Variants in PIK3CG observed in about 807,000 individuals in gnomAD.
PIK3CG encodes the protein phosphatidylinositol-4,5-bisphosphate 3-kinase catalytic subunit gamma, also known as phosphatidylinositol 4,5-bisphosphate 3-kinase catalytic subunit gamma isoform.
In PIK3CG, 55 loss-of-function variants were observed where a neutral mutation model predicts 102.3. The ratio of observed to expected loss-of-function variants is 0.54; its 90% CI spans 0.43 to 0.67. PIK3CG has a LOEUF of 0.67. Among genes scored for constraint, PIK3CG ranks in the 30% least tolerant of loss-of-function variants. The pLI is 0.00. For missense variants in PIK3CG, 1,258 were observed against 1,391.8 expected, an observed-to-expected ratio of 0.90 and a Z score of 1.53; for synonymous variants, 552 against 540.0, an observed-to-expected ratio of 1.02 and a Z score of -0.31.
rs769433254 is a variant in PIK3CG, at chr7:106,882,166, G to A, written c.2588G>A (p.Cys863Tyr). 5 of 1,579,244 alleles carry A rather than the reference G, an allele frequency of 3.2e-6. No homozygotes were observed. In the South Asian group the frequency reaches 4.7e-5, roughly 15 times the overall value. Residue 863 changes from cysteine (C) to tyrosine (Y), a missense_variant, in exon 7 of 11, where the codon TGC becomes TAC. This residue lies in a region of PIK3CG where 426 missense variants were observed against 604.2 expected (regional missense o/e 0.71). Transcript: ENST00000496166. ...SIWETESLDL[C>Y]LLPYGCISTG... ...TGGGAGACTGAATCTTTGGATCTAT[G>A]CCTCCTGCCATATGGTTGCATTTCA... is the stretch of plus-strand genomic sequence containing the variant.
At position 106,868,873 on chromosome 7, in the gene PIK3CG, G is replaced by T. The variant is rs772698550; in HGVS notation, c.1312G>T (p.Ala438Ser). 2 of 1,614,206 alleles carry T rather than the reference G, an allele frequency of 1.2e-6. No individual in the cohort carries two copies. Among genetic ancestry groups the T allele is most frequent in the Non-Finnish European group, 1.7e-6 (2 of 1,180,030 alleles). The change falls in exon 2 of 11, where the codon GCT becomes TCT. Residue 438 changes from alanine (A) to serine (S), a missense_variant. Physicochemically the swap from Ala to Ser is moderately conservative, Grantham distance 99. Coordinates refer to ENST00000496166, the MANE Select transcript of PIK3CG (RefSeq NM_001282426.2). The surrounding 1 kb of genome is among the most constrained non-coding windows in gnomAD (Gnocchi z 6.2). The part of the protein sequence containing the change: ...LLNLQIYCGK[A>S]PALSSKASAE... Reference sequence around the variant, plus strand: ...GAACCTCCAGATCTACTGCGGTAAAGCTCCAGCACTGTCCAGCAAGGCCTC... The same window carrying T: ...GAACCTCCAGATCTACTGCGGTAAATCTCCAGCACTGTCCAGCAAGGCCTC...
Position 106,892,743 on chromosome 7 carries a change from C to T in PIK3CG, c.3030+6451C>T, listed in dbSNP as rs184810286. 2.6e-4 allele frequency among the ~76,000 whole-genome samples: 40 copies of T among 152,212 alleles called. No individual in the cohort carries two copies. The highest frequency in any genetic ancestry group is 4.6e-4 in the Non-Finnish European group (31 of 68,010). Reference sequence around the variant, plus strand: ...TTGCAGAGGGAGCAATTAATCCTGCCCTAGAGGATAGAAAAGGGCTATTCA... The same window carrying T: ...TTGCAGAGGGAGCAATTAATCCTGCTCTAGAGGATAGAAAAGGGCTATTCA... On this transcript the variant is annotated intron_variant, in intron 10 of 10. Coordinates refer to ENST00000496166, the MANE Select transcript of PIK3CG (RefSeq NM_001282426.2). This position sits in a 1 kb window ranked among gnomAD's most constrained non-coding sequence, Gnocchi z 5.2.
At position 106,896,575 on chromosome 7, in the gene PIK3CG, C is replaced by T. The variant is rs534521352; in HGVS notation, c.3031-8534C>T. Among the ~76,000 whole-genome samples, 19 of 152,174 alleles carry T rather than the reference C, an allele frequency of 1.2e-4. No homozygotes were observed. The East Asian group carries it at 1.9e-3, about 15-fold the overall frequency. ...CGGATGAGCAAAAGAAAATAATTTCCGGACATAAGTGGAGTCATTAAGAAT... is the reference window on the plus strand; with the variant it reads ...CGGATGAGCAAAAGAAAATAATTTCTGGACATAAGTGGAGTCATTAAGAAT... On this transcript the variant is annotated intron_variant, in intron 10 of 10. Transcript: ENST00000496166.
Position 106,890,355 on chromosome 7 carries a change from A to G in PIK3CG, c.3030+4063A>G, listed in dbSNP as rs746471580. Among the ~76,000 whole-genome samples, 1 of 151,930 alleles carries G rather than the reference A, an allele frequency of 6.6e-6. No homozygotes were observed. Among genetic ancestry groups the G allele is most frequent in the Non-Finnish European group, 1.5e-5 (1 of 67,954 alleles). ...TGCCACCACATCCAGCTAATTTTTC[A>G]TATTTTTAGTAGAGACGGGGTTTCA... On this transcript the variant is annotated intron_variant, in intron 10 of 10. Transcript: ENST00000496166. This position sits in a 1 kb window ranked among gnomAD's most constrained non-coding sequence, Gnocchi z 4.2.
Position 106,872,744 on chromosome 7 carries a change from T to C in PIK3CG, c.2093T>C (p.Phe698Ser), listed in dbSNP as rs1790578222. 1 of 1,614,078 alleles carries C rather than the reference T, an allele frequency of 6.2e-7. No individual in the cohort carries two copies. Among genetic ancestry groups the C allele is most frequent in the Admixed American group, 1.7e-5 (1 of 60,004 alleles). ...AGAATTGGTCACTTTTTGTTTTGGT[T>C]CTTGAGAAGTGAGATAGCCCAGTCC... ...NKRIGHFLFW[F>S]LRSEIAQSRH... The change falls in exon 4 of 11, where the codon TTC becomes TCC. Residue 698 changes from phenylalanine to serine, a missense_variant. Physicochemically the swap from Phe to Ser is radical, Grantham distance 155. Coordinates refer to ENST00000496166, the MANE Select transcript of PIK3CG (RefSeq NM_001282426.2). The surrounding 1 kb of genome is among the most constrained non-coding windows in gnomAD (Gnocchi z 5.3).
chr7:106,887,439 C>T lies in PIK3CG; in HGVS notation c.3030+1147C>T, dbSNP rs188885206. On this transcript the variant is annotated intron_variant, in intron 10 of 10. Transcript: ENST00000496166. ...TGAGTCCAAGGTTACCCTTGGGAGACGACATGACCCTTGAAGTTCAGTAGA... is the reference window on the plus strand; with the variant it reads ...TGAGTCCAAGGTTACCCTTGGGAGATGACATGACCCTTGAAGTTCAGTAGA... Among the ~76,000 whole-genome samples, 26 of 152,204 alleles carry T rather than the reference C, an allele frequency of 1.7e-4. No individual in the cohort carries two copies. The East Asian group carries it at 3.3e-3, about 19-fold the overall frequency.
In PIK3CG at chr7:106,906,608, A is replaced by G. The variant is rs879698874; in HGVS notation, c.*1221A>G. On this transcript the variant is annotated 3_prime_UTR_variant, in exon 11 of 11. Coordinates refer to ENST00000496166, the MANE Select transcript of PIK3CG (RefSeq NM_001282426.2). ...AATATCTTACTTTAAAAATATTTTC[A>G]TCTCTGAAATATCTCGTTATTTATT... 1 of 230,022 alleles carries G rather than the reference A, an allele frequency of 4.3e-6. No individual in the cohort carries two copies. The allele number at this position is 230,022 out of a possible 1,614,324, so 14.2% of individuals were successfully genotyped here.
In PIK3CG at chr7:106,905,159, G is replaced by A. The variant is rs193286202; in HGVS notation, c.3081G>A (p.Leu1027=). The change falls in exon 11 of 11, where the codon CTG becomes CTA. Residue 1027 remains leucine, a synonymous_variant. Coordinates refer to ENST00000496166, the MANE Select transcript of PIK3CG (RefSeq NM_001282426.2). This position sits in a 1 kb window ranked among gnomAD's most constrained non-coding sequence, Gnocchi z 5.6. ...YLALRHHTNL[L]IILFSMMLMT... is the part of the protein sequence containing the mutation. ...CCCTTCGTCATCACACAAACCTACT[G>A]ATCATCCTGTTCTCCATGATGCTGA... 1.9e-6 allele frequency: 3 copies of A among 1,613,956 alleles called. No homozygotes were observed. The highest frequency in any genetic ancestry group is 2.2e-5 in the East Asian group (1 of 44,860).
chr7:106,881,230 A>G (rs1227916104), intron 6 of PIK3CG, among the ~76,000 whole-genome samples: 3 of 152,162 alleles, frequency 2.0e-5, no homozygotes, highest in Non-Finnish European at 2.9e-5. Context: ...GTGAGCCATC[A>G]TGCCCAGCCT....
Position 106,905,433 on chromosome 7 carries a change from A to C in PIK3CG, c.*46A>C. ...AACAAGTTAGTGTTCTATGGTTTAA[A>C]TTAGCATAGCAATCATCGAACTTGG... On this transcript the variant is annotated 3_prime_UTR_variant, in exon 11 of 11. Coordinates refer to ENST00000496166, the MANE Select transcript of PIK3CG (RefSeq NM_001282426.2). This position sits in a 1 kb window ranked among gnomAD's most constrained non-coding sequence, Gnocchi z 5.6. The C allele has an allele frequency of 6.5e-7, 1 of 1,537,684 alleles. No homozygotes were observed. The highest frequency in any genetic ancestry group is 8.9e-7 in the Non-Finnish European group (1 of 1,128,082).
In PIK3CG at chr7:106,867,974, T is replaced by G; in HGVS notation, c.413T>G (p.Val138Gly). Reference sequence around the variant, plus strand: ...CGGAGCCCGGGCCAGATCCACCTGGTGCAGCGGCACCCGCCCTCCGAGGAG... The same window carrying G: ...CGGAGCCCGGGCCAGATCCACCTGGGGCAGCGGCACCCGCCCTCCGAGGAG... ...THRSPGQIHL[V>G]QRHPPSEESQ... is the part of the protein sequence containing the mutation. The change falls in exon 2 of 11, where the codon GTG becomes GGG. Residue 138 changes from valine to glycine, a missense_variant. Physicochemically the swap from Val to Gly is moderately radical, Grantham distance 109 (BLOSUM62 -3). Around this residue, in one of 2 missense-constraint regions of PIK3CG, gnomAD observed 832 missense variants for 787.5 expected, o/e 1.06. Transcript: ENST00000496166. This position sits in a 1 kb window ranked among gnomAD's most constrained non-coding sequence, Gnocchi z 5.1. 6.2e-7 allele frequency: 1 copy of G among 1,612,354 alleles called. No homozygotes were observed. The highest frequency in any genetic ancestry group is 8.5e-7 in the Non-Finnish European group (1 of 1,179,300).
In PIK3CG at chr7:106,906,683, T is replaced by G. The variant is rs537388236; in HGVS notation, c.*1296T>G. 1 of 228,008 alleles carries G rather than the reference T, an allele frequency of 4.4e-6. No homozygotes were observed. The highest frequency in any genetic ancestry group is 1.8e-4 in the South Asian group (1 of 5,502). The allele number at this position is 228,008 out of a possible 1,614,324, so 14.1% of individuals were successfully genotyped here. ...GACCATTAAATTATTTATAAAATAT[T>G]TTGTAATTACCTGTAGCTAATACAT... On this transcript the variant is annotated 3_prime_UTR_variant, in exon 11 of 11. Transcript: ENST00000496166.
Position 106,868,152 on chromosome 7 carries a change from C to G in PIK3CG, c.591C>G (p.Ala197=), listed in dbSNP as rs2116432161. 6.2e-7 allele frequency: 1 copy of G among 1,613,308 alleles called. No homozygotes were observed. The change falls in exon 2 of 11, where the codon GCC becomes GCG. Residue 197 remains alanine (A), a synonymous_variant. Transcript: ENST00000496166. This position sits in a 1 kb window ranked among gnomAD's most constrained non-coding sequence, Gnocchi z 6.2. ...CCAGCCGCGACCCCAAGCTCTACGC[C>G]ATGCACCCGTGGGTGACGTCCAAGC... The part of the protein sequence containing the change: ...EVASRDPKLY[A]MHPWVTSKPL...
rs1271342952 is a variant in PIK3CG at position 106,895,672 on chromosome 7, A to T, written c.3030+9380A>T. 1.3e-5 allele frequency among the ~76,000 whole-genome samples: 2 copies of T among 152,208 alleles called. No homozygotes were observed. The highest frequency in any genetic ancestry group is 2.9e-5 in the Non-Finnish European group (2 of 68,038). ...GGGCAGATGGTCTAGAGGGACAGTGAGCCCCTTAGCGTTGAACAGTATGTG... is the reference window on the plus strand; with the variant it reads ...GGGCAGATGGTCTAGAGGGACAGTGTGCCCCTTAGCGTTGAACAGTATGTG... On this transcript the variant is annotated intron_variant, in intron 10 of 10. Transcript: ENST00000496166. The surrounding 1 kb of genome is among the most constrained non-coding windows in gnomAD (Gnocchi z 5.4).
Position 106,891,199 on chromosome 7 carries a change from G to A in PIK3CG, c.3030+4907G>A, listed in dbSNP as rs939472449. Among the ~76,000 whole-genome samples, 10 of 152,170 alleles carry A rather than the reference G, an allele frequency of 6.6e-5. No individual in the cohort carries two copies. The highest frequency in any genetic ancestry group is 1.2e-4 in the Non-Finnish European group (8 of 68,018). The stretch of plus-strand genomic sequence containing the variant: ...ACAGCACCTTGTAGGGGAGGAGCTG[G>A]ATCAAACTGGATAACCTCTGGGGTG... On this transcript the variant is annotated intron_variant, in intron 10 of 10. Coordinates refer to ENST00000496166, the MANE Select transcript of PIK3CG (RefSeq NM_001282426.2). The surrounding 1 kb of genome is among the most constrained non-coding windows in gnomAD (Gnocchi z 4.4).
Position 106,908,204 on chromosome 7 carries a change from G to T in PIK3CG, c.*2817G>T, listed in dbSNP as rs758229103. Among the ~76,000 whole-genome samples, 25 of 152,180 alleles carry T rather than the reference G, an allele frequency of 1.6e-4. No individual in the cohort carries two copies. The highest frequency in any genetic ancestry group is 3.1e-4 in the Non-Finnish European group (21 of 68,036). On this transcript the variant is annotated 3_prime_UTR_variant, in exon 11 of 11. Coordinates refer to ENST00000496166, the MANE Select transcript of PIK3CG (RefSeq NM_001282426.2). This position sits in a 1 kb window ranked among gnomAD's most constrained non-coding sequence, Gnocchi z 4.1. ...ATTCAAAAATTATTAAGAAATTCGA[G>T]ATGGCAACAGCAGTTGTCACACCAA...
rs571828602 is a variant in PIK3CG at position 106,868,786 on chromosome 7, C to T, written c.1225C>T (p.Leu409=). Residue 409 remains leucine, a synonymous_variant, in exon 2 of 11, where the codon CTG becomes TTG. Coordinates refer to ENST00000496166, the MANE Select transcript of PIK3CG (RefSeq NM_001282426.2). This position sits in a 1 kb window ranked among gnomAD's most constrained non-coding sequence, Gnocchi z 6.2. ...CCCCAAACCCTTCACAGAGGAGGTG[C>T]TGTGGAATGTGTGGCTTGAGTTCAG... ...TSPKPFTEEV[L]WNVWLEFSIK... is the part of the protein sequence containing the mutation. 589 of 1,614,222 alleles carry T rather than the reference C, an allele frequency of 3.6e-4. 3 individuals are homozygous for T. In the South Asian group the frequency reaches 6.0e-3, roughly 16 times the overall value.
chr7:106,904,812 A>G (rs904728765), intron 10 of PIK3CG, among the ~76,000 whole-genome samples: 17 of 152,322 alleles, frequency 1.1e-4, no homozygotes, highest in African/African-American at 4.1e-4. Context: ...AGAAATGTCT[A>G]CCCTCAATCT....
Position 106,895,062 on chromosome 7 carries a change from CTATT to C in PIK3CG, c.3030+8775_3030+8778del, listed in dbSNP as rs1282903355. Among the ~76,000 whole-genome samples the C allele has an allele frequency of 6.6e-6, 1 of 152,210 alleles. No homozygotes were observed. The highest frequency in any genetic ancestry group is 1.5e-5 in the Non-Finnish European group (1 of 68,038). ...AGCAGATGTACTACGTAGGCTCAAT[CTATT>C]TATTAGCTACTAATGGAGAATGTTC... is the stretch of plus-strand genomic sequence containing the variant. On this transcript the variant is annotated intron_variant, in intron 10 of 10. Transcript: ENST00000496166. This position sits in a 1 kb window ranked among gnomAD's most constrained non-coding sequence, Gnocchi z 5.4.
Sources: allele counts gnomAD v4.1 joint callset (sites outside exome capture counted in the v4.1 genomes callset), GRCh38; gene constraint gnomAD v4.1.1; regional missense constraint gnomAD v4.1.1; non-coding constraint Gnocchi (gnomAD v3.1); transcripts MANE v1.5; gene names NCBI Gene and HGNC (gene_info 2026-07-23, HGNC 2026-07-21).